ELAVL2: variants seen among roughly 807,000 people sequenced by gnomAD.
ELAVL2 encodes ELAV-like protein 2.
Under a neutral mutation model 34.6 loss-of-function variants are expected in ELAVL2, and 4 were observed. That is an observed-to-expected ratio of 0.12 (90% CI 0.06 to 0.26). The LOEUF (loss-of-function observed/expected upper bound fraction) is 0.26, where lower values mean the gene tolerates loss of function less well. Among genes scored for constraint, ELAVL2 ranks in the 10% least tolerant of loss-of-function variants. ELAVL2 has a pLI of 1.00. For synonymous variants in ELAVL2, 193 were observed against 154.8 expected, an observed-to-expected ratio of 1.25 and a Z score of -1.83; for missense variants, 432 against 442.8, an observed-to-expected ratio of 0.98 and a Z score of 0.22.
chr9:23,826,354 G>A (rs902987643), upstream of ELAVL2: 10 of 152,394 alleles, frequency 6.6e-5, no homozygotes, highest in African/African-American at 2.4e-4. Context: ...CGGGCAGCAC[G>A]CGCGGAAGTA....
At chr9:23,729,180 A>G (rs905993408) in intron 3 of ELAVL2, among the ~76,000 whole-genome samples, 1 of 152,172 alleles carries the variant, frequency 6.6e-6, no homozygotes, top group African/African-American at 2.4e-5. Flanking sequence ...GATATTTAGT[A>G]AAAGAACTGA....
chr9:23,718,677 A>G (rs534424038), intron 3 of ELAVL2, among the ~76,000 whole-genome samples: 5 of 152,230 alleles, frequency 3.3e-5, no homozygotes, highest in Non-Finnish European at 7.3e-5. Context: ...TGGGGCTGAC[A>G]TAAGTTATGC....
At chr9:23,779,612 T>G (rs2058760141) in intron 1 of ELAVL2, among the ~76,000 whole-genome samples, 1 of 152,068 alleles carries the variant, frequency 6.6e-6, no homozygotes, top group Non-Finnish European at 1.5e-5. Flanking sequence ...AATTACAGTT[T>G]GGTTAAAATC....
At chr9:23,838,077 T>G in the ELAVL2 span, among the ~76,000 whole-genome samples, 2 of 152,294 alleles carry the variant, frequency 1.3e-5, no homozygotes, top group Admixed American at 1.3e-4. Context: ...AAAATAGTGT[T>G]TATTATTTAA....
Position 23,807,933 on chromosome 9 carries a change from C to T in ELAVL2, c.-16+17873G>A, listed in dbSNP as rs1008780700. ...GGCTTTGCATTCACCACATAGCTTT[C>T]AGAGTAAAAGTTGCCAAATTACGTT... On this transcript the variant is annotated intron_variant, in intron 1 of 6. Coordinates refer to ENST00000397312, the MANE Select transcript of ELAVL2 (RefSeq NM_004432.5). 3.9e-5 allele frequency among the ~76,000 whole-genome samples: 6 copies of T among 152,242 alleles called. No homozygotes were observed. The East Asian group carries it at 1.2e-3, about 29-fold the overall frequency.
Position 23,731,064 on chromosome 9 carries a change from G to A in ELAVL2, c.291C>T (p.Ile97=), listed in dbSNP as rs1564136146. ...GAAGTCTCAATCCATTCAGGGTGTT[G>A]ATAGCTTTCTCTGCATCCTTGGGGT... ...YIDPKDAEKA[I]NTLNGLRLQT... Residue 97 remains isoleucine (I), a synonymous_variant, in exon 3 of 7, where the codon ATC becomes ATT. Coordinates refer to ENST00000397312, the MANE Select transcript of ELAVL2 (RefSeq NM_004432.5). 1.9e-6 allele frequency: 3 copies of A among 1,613,218 alleles called. No individual in the cohort carries two copies. Among genetic ancestry groups the A allele is most frequent in the East Asian group, 2.2e-5 (1 of 44,818 alleles).
chr9:23,695,627 A>G (rs1412768246), intron 5 of ELAVL2, among the ~76,000 whole-genome samples: 2 of 152,174 alleles, frequency 1.3e-5, no homozygotes, highest in Admixed American at 6.6e-5. Context: ...ACCTAGTTAT[A>G]TGGTATGGGC....
intron 1 of ELAVL2, among the ~76,000 whole-genome samples, chr9:23,794,370 A>G (rs2060664375): frequency 2.0e-5 from 3 of 152,208 alleles, no homozygotes; most frequent in Non-Finnish European, 4.4e-5. Context: ...AGAACCACCC[A>G]CTTTCTACAA....
chr9:23,790,403 A>G (rs188518114), intron 1 of ELAVL2, among the ~76,000 whole-genome samples: 66 of 152,266 alleles, frequency 4.3e-4, no homozygotes, highest in Admixed American at 4.3e-3. Context: ...AAGCCAAAAT[A>G]TATTTTCTGC....
intron 3 of ELAVL2, among the ~76,000 whole-genome samples, chr9:23,724,734 G>C (rs2044639645): frequency 6.6e-6 from 1 of 152,134 alleles, no homozygotes. Flanking sequence ...CTTGACATGT[G>C]GCTGTGGAAA....
chr9:23,846,007 A>C, the ELAVL2 span, among the ~76,000 whole-genome samples: 1 of 151,830 alleles, frequency 6.6e-6, no homozygotes, highest in Non-Finnish European at 1.5e-5. Flanking sequence ...TACCTTGATA[A>C]AATCTTAACA....
intron 1 of ELAVL2, among the ~76,000 whole-genome samples, chr9:23,810,435 T>A (rs1057328469): frequency 6.6e-6 from 1 of 152,032 alleles, no homozygotes; most frequent in African/African-American, 2.4e-5. Flanking sequence ...ATAATCCTGG[T>A]ACAACAACCC....
chr9:23,824,100 G>A (rs987927827), intron 1 of ELAVL2, among the ~76,000 whole-genome samples: 1 of 152,094 alleles, frequency 6.6e-6, no homozygotes, highest in Non-Finnish European at 1.5e-5. Context: ...ATACTAAATG[G>A]TTGGCTATTT....
chr9:23,843,503 A>C, the ELAVL2 span, among the ~76,000 whole-genome samples: 1 of 152,130 alleles, frequency 6.6e-6, no homozygotes, highest in African/African-American at 2.4e-5. Flanking sequence ...AATAAGGAAA[A>C]TTTCAGATTA....
At chr9:23,753,654 T>C (rs1261213473) in intron 2 of ELAVL2, among the ~76,000 whole-genome samples, 1 of 152,172 alleles carries the variant, frequency 6.6e-6, no homozygotes, top group Non-Finnish European at 1.5e-5. Context: ...CTGAACTATT[T>C]CCATTTTAGT....
intron 1 of ELAVL2, among the ~76,000 whole-genome samples, chr9:23,786,530 A>G (rs1367991234): frequency 6.6e-6 from 1 of 152,196 alleles, no homozygotes; most frequent in African/African-American, 2.4e-5. Flanking sequence ...ATGCAGCTCA[A>G]TAAAAATGTA....
chr9:23,723,320 G>C (rs1243321359), intron 3 of ELAVL2, among the ~76,000 whole-genome samples: 1 of 151,452 alleles, frequency 6.6e-6, no homozygotes, highest in African/African-American at 2.4e-5. Context: ...CTATCACAAG[G>C]ACAAAAAACC....
intron 3 of ELAVL2, among the ~76,000 whole-genome samples, chr9:23,709,494 A>G (rs2040348604): frequency 6.6e-6 from 1 of 151,806 alleles, no homozygotes; most frequent in Non-Finnish European, 1.5e-5. Context: ...AGGTGCCTTC[A>G]TATGCACCTA....
chr9:23,699,812 G>GTTTTTTTTTTTT (rs199637833), intron 5 of ELAVL2, among the ~76,000 whole-genome samples: 22 of 82,972 alleles, frequency 2.7e-4, no homozygotes, highest in Admixed American at 4.9e-4. Context: ...GGTGGCAAAG[G>GTTTTTTTTTTTT]TTTTTTTTTT....
Sources: gnomAD v4.1 joint callset for allele counts (sites outside exome capture counted in the v4.1 genomes callset) on GRCh38, gnomAD v4.1.1 for gene constraint, MANE v1.5 for transcripts, NCBI Gene and HGNC (gene_info 2026-07-23, HGNC 2026-07-21) for gene names.